SUPT3H: variants seen among roughly 807,000 people sequenced by gnomAD.
SUPT3H encodes the protein SPT3 homolog, SAGA and STAGA complex component.
Under a neutral mutation model 44.3 loss-of-function variants are expected in SUPT3H, and 44 were observed. The ratio of observed to expected loss-of-function variants is 0.99; its 90% CI spans 0.78 to 1.28. The LOEUF (loss-of-function observed/expected upper bound fraction) is 1.28. Among genes scored for constraint, SUPT3H ranks in the 50% most tolerant of loss-of-function variants. The probability of loss-of-function intolerance (pLI) is 0.00; values close to 1 mark genes in which losing one functional copy is unlikely to be tolerated. For missense variants in SUPT3H, 380 were observed against 387.1 expected, an observed-to-expected ratio of 0.98 and a Z score of 0.15; for synonymous variants, 124 against 125.6, an observed-to-expected ratio of 0.99 and a Z score of 0.09.
At chr6:45,244,245 C>A (rs1291122960) in intron 2 of SUPT3H, among the ~76,000 whole-genome samples, 1 of 152,278 alleles carries the variant, frequency 6.6e-6, no homozygotes, top group African/African-American at 2.4e-5. Flanking sequence ...CTATAGGAGC[C>A]ATTACAACCA....
chr6:44,966,385 G>T (rs2160085), intron 6 of SUPT3H, among the ~76,000 whole-genome samples: 3 of 149,590 alleles, frequency 2.0e-5, no homozygotes, highest in Admixed American at 6.6e-5. Context: ...TATTCTTTGA[G>T]ATGGTTTTAT....
At chr6:45,204,662 T>C (rs1312597991) in intron 2 of SUPT3H, among the ~76,000 whole-genome samples, 1 of 152,182 alleles carries the variant, frequency 6.6e-6, no homozygotes, top group Non-Finnish European at 1.5e-5. Flanking sequence ...AAAACCTCTA[T>C]GCTGAAAAAT....
At chr6:44,884,777 G>A (rs1379145069) in intron 10 of SUPT3H, among the ~76,000 whole-genome samples, 2 of 152,188 alleles carry the variant, frequency 1.3e-5, no homozygotes, top group South Asian at 2.1e-4. Context: ...GTCAGTGGGT[G>A]CAGCACACTG....
At chr6:45,079,009 T>C (rs1795391033) in intron 3 of SUPT3H, among the ~76,000 whole-genome samples, 1 of 152,196 alleles carries the variant, frequency 6.6e-6, no homozygotes, top group Admixed American at 6.5e-5. Flanking sequence ...AGTTTTCAGC[T>C]ATTATTTTGT....
Position 45,006,752 on chromosome 6 carries a change from A to C in SUPT3H, c.365-2960T>G, listed in dbSNP as rs370042243. The stretch of plus-strand genomic sequence containing the variant: ...TTTACTTCACCCCTTCTCCATCTCT[A>C]AACTTTTGGCTTTCCGATGAAAAGG... On this transcript the variant is annotated intron_variant, in intron 5 of 10. Transcript: ENST00000371459. 1.2e-4 allele frequency among the ~76,000 whole-genome samples: 18 copies of C among 152,028 alleles called. No homozygotes were observed. In the East Asian group the frequency reaches 2.1e-3, roughly 18 times the overall value.
At chr6:45,221,361 A>G (rs967403957) in intron 2 of SUPT3H, among the ~76,000 whole-genome samples, 2 of 152,118 alleles carry the variant, frequency 1.3e-5, no homozygotes, top group African/African-American at 2.4e-5. Context: ...CCTAGAACTT[A>G]AAGTATAATA....
chr6:45,306,661 C>T (rs908349200), intron 2 of SUPT3H, among the ~76,000 whole-genome samples: 9 of 152,160 alleles, frequency 5.9e-5, no homozygotes, highest in African/African-American at 2.2e-4. Context: ...CGGGCGGTTC[C>T]AAGATGGCCG....
intron 2 of SUPT3H, among the ~76,000 whole-genome samples, chr6:45,358,811 G>A (rs1793714472): frequency 6.6e-6 from 1 of 152,020 alleles, no homozygotes; most frequent in Admixed American, 6.5e-5. Flanking sequence ...TGAAACGTAT[G>A]AATATTCACT....
chr6:45,262,017 C>T (rs1341652888), intron 2 of SUPT3H, among the ~76,000 whole-genome samples: 1 of 152,016 alleles, frequency 6.6e-6, no homozygotes, highest in South Asian at 2.1e-4. Context: ...ATACAGCAAA[C>T]CAAGGAGGTA....
chr6:45,224,733 G>A (rs528711097), intron 2 of SUPT3H, among the ~76,000 whole-genome samples: 14 of 149,788 alleles, frequency 9.3e-5, no homozygotes, highest in Middle Eastern at 3.5e-3. Context: ...AGCTGAGATC[G>A]CGCCACTGCA....
At chr6:45,326,318 T>C (rs999900108) in intron 2 of SUPT3H, among the ~76,000 whole-genome samples, 1 of 151,926 alleles carries the variant, frequency 6.6e-6, no homozygotes, top group African/African-American at 2.4e-5. Flanking sequence ...TCTGCTATTA[T>C]AGGTACACAT....
intron 2 of SUPT3H, among the ~76,000 whole-genome samples, chr6:45,262,011 A>G (rs1053669315): frequency 6.6e-6 from 1 of 152,190 alleles, no homozygotes; most frequent in Admixed American, 6.6e-5. Flanking sequence ...CCAGGAATAC[A>G]GCAAACCAAG....
chr6:45,058,082 TA>T (rs1323095712), intron 3 of SUPT3H, among the ~76,000 whole-genome samples: 3 of 152,156 alleles, frequency 2.0e-5, no homozygotes, highest in African/African-American at 4.8e-5. Flanking sequence ...ATGGGGTGCT[TA>T]TTTTTTTAAC....
At chr6:45,022,959 T>C (rs1038215818) in intron 3 of SUPT3H, among the ~76,000 whole-genome samples, 1 of 152,072 alleles carries the variant, frequency 6.6e-6, no homozygotes, top group Non-Finnish European at 1.5e-5. Flanking sequence ...ACCATGCAGT[T>C]CAAGCCCAAG....
intron 2 of SUPT3H, among the ~76,000 whole-genome samples, chr6:45,147,050 T>C (rs767247159): frequency 5.9e-5 from 9 of 152,098 alleles, no homozygotes; most frequent in Non-Finnish European, 4.4e-5. Flanking sequence ...ATTTACTCAT[T>C]ATAATAAGTT....
At chr6:45,329,799 T>C (rs944340913) in intron 2 of SUPT3H, among the ~76,000 whole-genome samples, 2 of 152,020 alleles carry the variant, frequency 1.3e-5, no homozygotes, top group African/African-American at 4.8e-5. Flanking sequence ...CATCAGCTGA[T>C]GTGTTATTAT....
chr6:44,849,312 C>A (rs1273279562), intron 10 of SUPT3H, among the ~76,000 whole-genome samples: 1 of 147,210 alleles, frequency 6.8e-6, no homozygotes, highest in Non-Finnish European at 1.5e-5. Context: ...CTGCAAGCTC[C>A]GCCTCCCGGG....
intron 10 of SUPT3H, among the ~76,000 whole-genome samples, chr6:44,859,744 A>C (rs1774307973): frequency 1.3e-5 from 2 of 152,228 alleles, no homozygotes; most frequent in East Asian, 3.8e-4. Flanking sequence ...TTTATCTTTT[A>C]ACTATTTTTC....
intron 2 of SUPT3H, among the ~76,000 whole-genome samples, chr6:45,146,722 T>C (rs1361970908): frequency 6.6e-6 from 1 of 152,118 alleles, no homozygotes; most frequent in East Asian, 1.9e-4. Flanking sequence ...AGCATCAAAA[T>C]TGGGTGAAGT....
Sources: allele counts gnomAD v4.1 joint callset (sites outside exome capture counted in the v4.1 genomes callset), GRCh38; gene constraint gnomAD v4.1.1; transcripts MANE v1.5; gene names NCBI Gene and HGNC (gene_info 2026-07-23, HGNC 2026-07-21).